The following CDH20 variants were observed in gnomAD, a reference collection of about 807,000 sequenced individuals.
CDH20 encodes cadherin 20, also known as cadherin-20.
CDH20 carries 29 observed loss-of-function variants against 74.2 expected under a neutral mutation model. The ratio of observed to expected loss-of-function variants is 0.39; its 90% CI spans 0.29 to 0.53. The LOEUF (loss-of-function observed/expected upper bound fraction) is 0.53, where lower values mean the gene tolerates loss of function less well. Ranked by LOEUF, CDH20 falls within the 20% of genes least tolerant of loss-of-function variation. The pLI is 0.69. For synonymous variants in CDH20, 469 were observed against 405.4 expected (o/e 1.16, Z -1.88); for missense variants, 988 against 1,048.3 (o/e 0.94, Z 0.79).
At chr18:61,485,474 T>A (rs1910726048) in intron 1 of CDH20, among the ~76,000 whole-genome samples, 1 of 152,022 alleles carries the variant, frequency 6.6e-6, no homozygotes, top group African/African-American at 2.4e-5. Context: ...CACAGATGGG[T>A]GGCTTTGGGT....
chr18:61,488,857 G>A (rs138880528), intron 1 of CDH20, among the ~76,000 whole-genome samples: 1 of 152,282 alleles, frequency 6.6e-6, no homozygotes, highest in Non-Finnish European at 1.5e-5. Flanking sequence ...CCTCCCTGTA[G>A]ACAGGGATCA....
At chr18:61,480,907 G>C (rs1438757626) in intron 1 of CDH20, among the ~76,000 whole-genome samples, 2 of 152,136 alleles carry the variant, frequency 1.3e-5, no homozygotes, top group African/African-American at 4.8e-5. Context: ...GACTTTTGTT[G>C]ACTTTGTATT....
intron 1 of CDH20, among the ~76,000 whole-genome samples, chr18:61,465,715 T>C (rs2144367389): frequency 6.6e-6 from 1 of 152,024 alleles, no homozygotes; most frequent in East Asian, 1.9e-4. Flanking sequence ...GCATAGAGGA[T>C]CAAAGCATCC....
At chr18:61,538,653 C>T (rs12605628) in intron 8 of CDH20, among the ~76,000 whole-genome samples, 14,482 of 100,452 alleles carry the variant, frequency 0.14, 1,444 homozygotes, top group East Asian at 0.45. Context: ...GAGTCTTACT[C>T]TTTTGCCCAG....
At chr18:61,411,092 C>T (rs1000999432) in intron 1 of CDH20, among the ~76,000 whole-genome samples, 2 of 151,334 alleles carry the variant, frequency 1.3e-5, no homozygotes, top group African/African-American at 2.4e-5. Flanking sequence ...CCCAGCTACT[C>T]GGGGGGCTGA....
At chr18:61,390,133 C>T (rs1911729156) in intron 1 of CDH20, among the ~76,000 whole-genome samples, 1 of 152,160 alleles carries the variant, frequency 6.6e-6, no homozygotes, top group Admixed American at 6.6e-5. Context: ...TGCTTCTGCC[C>T]TCTGGAATAT....
intron 5 of CDH20, among the ~76,000 whole-genome samples, chr18:61,505,090 A>G (rs1911514710): frequency 1.3e-5 from 2 of 152,152 alleles, no homozygotes; most frequent in African/African-American, 2.4e-5. Context: ...ACTATAGACT[A>G]TAAATTCTTG....
chr18:61,401,478 A>G (rs1912152809), intron 1 of CDH20, among the ~76,000 whole-genome samples: 1 of 152,146 alleles, frequency 6.6e-6, no homozygotes, highest in Non-Finnish European at 1.5e-5. Context: ...TATGTATAGG[A>G]TAACAGGGAA....
At chr18:61,426,865 C>A (rs1482624228) in intron 1 of CDH20, among the ~76,000 whole-genome samples, 1 of 152,158 alleles carries the variant, frequency 6.6e-6, no homozygotes, top group Non-Finnish European at 1.5e-5. Flanking sequence ...CCCTGGTAAT[C>A]TCTGTGATGA....
intron 1 of CDH20, among the ~76,000 whole-genome samples, chr18:61,427,841 C>G (rs1913124118): frequency 6.6e-6 from 1 of 152,134 alleles, no homozygotes; most frequent in South Asian, 2.1e-4. Flanking sequence ...TCCCTCTTCT[C>G]TACAAAAACT....
rs1183178589 is a variant in CDH20, at chr18:61,550,105, C to G, written c.1776C>G (p.Ile592Met). ...PVLSSTGTLT[I>M]QVCSCDDDGH... Reference sequence around the variant, plus strand: ...TGAGCAGCACAGGCACACTGACCATCCAAGTGTGCAGCTGTGATGACGACG... The same window carrying G: ...TGAGCAGCACAGGCACACTGACCATGCAAGTGTGCAGCTGTGATGACGACG... Residue 592 changes from isoleucine (I) to methionine (M), a missense_variant, in exon 11 of 12, where the codon ATC becomes ATG. By Grantham distance (10) the Ile-to-Met change is conservative. Transcript: ENST00000262717. 5 of 1,614,134 alleles carry G rather than the reference C, an allele frequency of 3.1e-6. No homozygotes were observed. The highest frequency in any genetic ancestry group is 4.2e-6 in the Non-Finnish European group (5 of 1,180,050).
chr18:61,526,833 T>G (rs1912431512), intron 6 of CDH20, among the ~76,000 whole-genome samples: 2 of 152,358 alleles, frequency 1.3e-5, no homozygotes, highest in Admixed American at 1.3e-4. Context: ...TCCAGGCTTC[T>G]GAGCTTCCTG....
chr18:61,439,568 TATTA>T (rs1340074212), intron 1 of CDH20, among the ~76,000 whole-genome samples: 1 of 152,206 alleles, frequency 6.6e-6, no homozygotes, highest in African/African-American at 2.4e-5. Context: ...TCTATAATAA[TATTA>T]ATTTAGTCTC....
At chr18:61,415,422 C>A (rs2144259087) in intron 1 of CDH20, among the ~76,000 whole-genome samples, 1 of 152,296 alleles carries the variant, frequency 6.6e-6, no homozygotes, top group East Asian at 1.9e-4. Flanking sequence ...AGCACTGTCA[C>A]ACACTTTGTG....
At chr18:61,512,167 C>T (rs1241405471) in intron 6 of CDH20, among the ~76,000 whole-genome samples, 1 of 152,218 alleles carries the variant, frequency 6.6e-6, no homozygotes, top group Non-Finnish European at 1.5e-5. Flanking sequence ...GGACCCCACA[C>T]TGATTACTAC....
chr18:61,406,122 G>C (rs574621257), intron 1 of CDH20, among the ~76,000 whole-genome samples: 1 of 152,098 alleles, frequency 6.6e-6, no homozygotes, highest in South Asian at 2.1e-4. Flanking sequence ...AAATATTTGA[G>C]TGGGTTTAAA....
intron 1 of CDH20, among the ~76,000 whole-genome samples, chr18:61,457,997 A>G (rs1451232982): frequency 6.6e-6 from 1 of 152,200 alleles, no homozygotes; most frequent in Admixed American, 6.5e-5. Flanking sequence ...ACACTCTTAA[A>G]TAAGACCCAT....
intron 1 of CDH20, among the ~76,000 whole-genome samples, chr18:61,398,041 C>A (rs1489962988): frequency 6.6e-6 from 1 of 152,166 alleles, no homozygotes; most frequent in Non-Finnish European, 1.5e-5. Context: ...AGTCAGAGTG[C>A]AACAAGATCA....
chr18:61,492,794 T>C (rs931036579), intron 2 of CDH20, among the ~76,000 whole-genome samples: 6 of 152,210 alleles, frequency 3.9e-5, no homozygotes, highest in Non-Finnish European at 8.8e-5. Context: ...ATGTTTATTG[T>C]CTGAAGCCTC....
Sources: gnomAD v4.1 joint callset for allele counts (sites outside exome capture counted in the v4.1 genomes callset) on GRCh38, gnomAD v4.1.1 for gene constraint, MANE v1.5 for transcripts, NCBI Gene and HGNC (gene_info 2026-07-23, HGNC 2026-07-21) for gene names.